Variants in PRKN observed in about 807,000 individuals in gnomAD.
The protein encoded by PRKN is parkin RBR E3 ubiquitin protein ligase.
A neutral mutation model predicts 59.5 loss-of-function variants in PRKN; 56 were observed. The observed-to-expected ratio is 0.94, with a 90% CI of 0.76 to 1.18. The LOEUF (loss-of-function observed/expected upper bound fraction) is 1.18. Among genes scored for constraint, PRKN ranks in the 50% most tolerant of loss-of-function variants. The pLI is 0.00. For missense variants in PRKN, 657 were observed against 596.4 expected (o/e 1.10, Z -1.06); for synonymous variants, 250 against 222.1 (o/e 1.13, Z -1.12).
intron 7 of PRKN, among the ~76,000 whole-genome samples, chr6:161,750,768 CAAAA>C (rs112951182): frequency 1.9e-5 from 2 of 106,160 alleles, no homozygotes. Context: ...ACTCTTGTCT[CAAAA>C]AAAAAAAAAA....
chr6:161,763,564 G>C (rs1789294626), intron 7 of PRKN, among the ~76,000 whole-genome samples: 1 of 152,072 alleles, frequency 6.6e-6, no homozygotes, highest in African/African-American at 2.4e-5. Flanking sequence ...AGGAGATTGT[G>C]CATCTGTTTC....
At chr6:162,535,566 A>G (rs1396153626) in intron 1 of PRKN, among the ~76,000 whole-genome samples, 1 of 152,056 alleles carries the variant, frequency 6.6e-6, no homozygotes, top group Admixed American at 6.6e-5. Context: ...TCAATCATCC[A>G]TATTCATAAA....
intron 7 of PRKN, among the ~76,000 whole-genome samples, chr6:161,586,372 T>C (rs370404567): frequency 1.3e-5 from 2 of 152,168 alleles, no homozygotes; most frequent in Non-Finnish European, 2.9e-5. Flanking sequence ...TCAGTGGGAC[T>C]TGAGTTTTGG....
chr6:161,843,675 A>G (rs1793081743), intron 6 of PRKN, among the ~76,000 whole-genome samples: 1 of 152,208 alleles, frequency 6.6e-6, no homozygotes, highest in African/African-American at 2.4e-5. Context: ...CTGTAATCCC[A>G]GCTACTTAGG....
chr6:162,438,998 C>G (rs947458042), intron 2 of PRKN, among the ~76,000 whole-genome samples: 5 of 152,150 alleles, frequency 3.3e-5, no homozygotes, highest in African/African-American at 9.7e-5. Context: ...TTTTCTTTGC[C>G]ATTTGGACCG....
chr6:162,611,986 C>T (rs2846537), intron 1 of PRKN, among the ~76,000 whole-genome samples: 42,252 of 150,658 alleles, frequency 0.28, 7,341 homozygotes, highest in Non-Finnish European at 0.4. Flanking sequence ...GAGATCGAGA[C>T]CATCCTGGCT....
intron 6 of PRKN, among the ~76,000 whole-genome samples, chr6:161,940,821 C>T (rs1412187344): frequency 6.6e-6 from 1 of 152,192 alleles, no homozygotes; most frequent in African/African-American, 2.4e-5. Context: ...CAGGACCACC[C>T]ATTTCCAGTC....
At chr6:162,593,409 T>A (rs773338059) in intron 1 of PRKN, among the ~76,000 whole-genome samples, 19 of 152,142 alleles carry the variant, frequency 1.2e-4, no homozygotes, top group South Asian at 6.2e-4. Flanking sequence ...TGGAAAACAA[T>A]CTATCAATAT....
intron 9 of PRKN, among the ~76,000 whole-genome samples, chr6:161,412,099 CCACT>C (rs1239042944): frequency 2.7e-5 from 4 of 148,800 alleles, no homozygotes; most frequent in Non-Finnish European, 5.9e-5. Flanking sequence ...ACTCATTCCT[CCACT>C]CACTCATTCC....
chr6:161,512,317 G>T (rs1778422670), intron 9 of PRKN, among the ~76,000 whole-genome samples: 1 of 151,244 alleles, frequency 6.6e-6, no homozygotes, highest in Non-Finnish European at 1.5e-5. Context: ...TCAAATGGAA[G>T]TGGAAACACA....
chr6:162,716,786 G>GCGCA (rs1554264971), intron 1 of PRKN, among the ~76,000 whole-genome samples: 24 of 148,826 alleles, frequency 1.6e-4, no homozygotes, highest in Middle Eastern at 3.5e-3. Flanking sequence ...ACACACACGC[G>GCGCA]CACACACACA....
intron 4 of PRKN, among the ~76,000 whole-genome samples, chr6:162,120,412 G>A (rs1780861190): frequency 1.3e-5 from 2 of 152,144 alleles, no homozygotes; most frequent in South Asian, 2.1e-4. Flanking sequence ...TCACAGGTAG[G>A]TATTGCAAGG....
At chr6:162,081,916 C>T (rs916220555) in intron 4 of PRKN, among the ~76,000 whole-genome samples, 2 of 152,134 alleles carry the variant, frequency 1.3e-5, no homozygotes, top group Non-Finnish European at 2.9e-5. Flanking sequence ...CATCAGCACT[C>T]ACCCTGAACT....
chr6:161,518,641 C>T lies in PRKN; in HGVS notation c.1083+30213G>A, dbSNP rs77176951. On this transcript the variant is annotated intron_variant, in intron 9 of 11. Coordinates refer to ENST00000366898, the MANE Select transcript of PRKN (RefSeq NM_004562.3). This position sits in a 1 kb window ranked among gnomAD's most constrained non-coding sequence, Gnocchi z 5.0. Reference sequence around the variant, plus strand: ...CCCCTAGCAGCACAAGCCCAGCCTCCGCTCACCCAGCCCCCTAGTGAGGTG... The same window carrying T: ...CCCCTAGCAGCACAAGCCCAGCCTCTGCTCACCCAGCCCCCTAGTGAGGTG... Among the ~76,000 whole-genome samples, 10,824 of 152,274 alleles carry T rather than the reference C, an allele frequency of 0.071. 505 individuals carry two copies. The highest frequency in any genetic ancestry group is 0.13 in the African/African-American group (5,334 of 41,548).
Position 162,421,170 on chromosome 6 carries a change from T to C in PRKN, c.171+22140A>G, listed in dbSNP as rs369526622. On this transcript the variant is annotated intron_variant, in intron 2 of 11. Transcript: ENST00000366898. ...GAGAGGAAACAGGCTTACTTGGAAA[T>C]CTTATTATGCACGATGTTTATCAAT... is the stretch of plus-strand genomic sequence containing the variant. Among the ~76,000 whole-genome samples the C allele has an allele frequency of 5.4e-4, 82 of 152,306 alleles. 3 individuals are homozygous for C. The South Asian group carries it at 0.016, about 30-fold the overall frequency.
At chr6:162,718,438 G>A (rs536960360) in intron 1 of PRKN, among the ~76,000 whole-genome samples, 2 of 152,210 alleles carry the variant, frequency 1.3e-5, no homozygotes, top group African/African-American at 2.4e-5. Context: ...GAGGCCAGGC[G>A]CGGTGGCTCA....
rs539614206 is a variant in PRKN, at chr6:161,484,965, G to T, written c.1083+63889C>A. Among the ~76,000 whole-genome samples the T allele has an allele frequency of 1.3e-5, 2 of 152,206 alleles. No homozygotes were observed. Among genetic ancestry groups the T allele is most frequent in the Admixed American group, 1.3e-4 (2 of 15,278 alleles). On this transcript the variant is annotated intron_variant, in intron 9 of 11. Coordinates refer to ENST00000366898, the MANE Select transcript of PRKN (RefSeq NM_004562.3). This position sits in a 1 kb window ranked among gnomAD's most constrained non-coding sequence, Gnocchi z 4.9. ...GCCGGCTTCCCCCTGCTTCTTTGAG[G>T]CAAAAATCAGGTCGGACTAGCATCA...
intron 3 of PRKN, among the ~76,000 whole-genome samples, chr6:162,238,156 T>A (rs1287649205): frequency 1.3e-5 from 2 of 152,258 alleles, no homozygotes; most frequent in Non-Finnish European, 2.9e-5. Context: ...GTGCCCCATC[T>A]GCATCAATCA....
intron 4 of PRKN, among the ~76,000 whole-genome samples, chr6:162,187,476 T>C (rs1047250579): frequency 1.3e-5 from 2 of 152,120 alleles, no homozygotes; most frequent in Non-Finnish European, 2.9e-5. Flanking sequence ...AAAATGGCAG[T>C]GCAGGGGAGC....
Sources: gnomAD v4.1 joint callset for allele counts (sites outside exome capture counted in the v4.1 genomes callset) on GRCh38, gnomAD v4.1.1 for gene constraint, Gnocchi (gnomAD v3.1) non-coding constraint, MANE v1.5 for transcripts, NCBI Gene and HGNC (gene_info 2026-07-23, HGNC 2026-07-21) for gene names.